The following UNC5D variants were observed in gnomAD, a reference collection of about 807,000 sequenced individuals.
UNC5D encodes the protein unc-5 netrin receptor D, also known as netrin receptor UNC5D.
A neutral mutation model predicts 105.4 loss-of-function variants in UNC5D; 39 were observed. The ratio of observed to expected loss-of-function variants is 0.37; its 90% CI spans 0.29 to 0.48. The LOEUF is 0.48. Among genes scored for constraint, UNC5D ranks in the 20% least tolerant of loss-of-function variants. UNC5D has a pLI of 0.98. For missense variants in UNC5D, 991 were observed against 1,202.4 expected, an observed-to-expected ratio of 0.82 and a Z score of 2.60; for synonymous variants, 452 against 450.4, an observed-to-expected ratio of 1.00 and a Z score of -0.04.
intron 4 of UNC5D, among the ~76,000 whole-genome samples, chr8:35,642,776 T>C (rs1822823382): frequency 6.6e-6 from 1 of 152,170 alleles, no homozygotes; most frequent in Non-Finnish European, 1.5e-5. Context: ...GATTTAATTT[T>C]GATGAGACTT....
intron 1 of UNC5D, among the ~76,000 whole-genome samples, chr8:35,537,139 T>G (rs1328045072): frequency 1.3e-5 from 2 of 152,166 alleles, no homozygotes; most frequent in Middle Eastern, 3.2e-3. Context: ...TAAAACTGTG[T>G]AAAACATAAA....
intron 3 of UNC5D, among the ~76,000 whole-genome samples, chr8:35,576,665 T>A (rs1818108660): frequency 6.6e-6 from 1 of 152,146 alleles, no homozygotes; most frequent in Admixed American, 6.5e-5. Flanking sequence ...CAGGCTGGAG[T>A]GCAGTGGCAC....
chr8:35,312,180 A>T (rs1808942705), intron 1 of UNC5D, among the ~76,000 whole-genome samples: 1 of 152,118 alleles, frequency 6.6e-6, no homozygotes, highest in South Asian at 2.1e-4. Flanking sequence ...CCTTGTCATC[A>T]CCCGGCTTCT....
intron 1 of UNC5D, among the ~76,000 whole-genome samples, chr8:35,540,599 A>T (rs762508160): frequency 2.0e-5 from 3 of 152,122 alleles, no homozygotes; most frequent in Non-Finnish European, 4.4e-5. Context: ...ACTAAATTTG[A>T]CATCTTACTT....
intron 4 of UNC5D, among the ~76,000 whole-genome samples, chr8:35,657,529 G>C (rs1823851122): frequency 6.6e-6 from 1 of 151,908 alleles, no homozygotes; most frequent in Admixed American, 6.6e-5. Context: ...CTGTCTCTCA[G>C]GCTGGAGTGC....
chr8:35,300,007 G>C (rs1807808249), intron 1 of UNC5D, among the ~76,000 whole-genome samples: 1 of 152,116 alleles, frequency 6.6e-6, no homozygotes, highest in South Asian at 2.1e-4. Flanking sequence ...ATTTGTACAA[G>C]AGAAATACTG....
chr8:35,664,098 T>C (rs1306030263), intron 4 of UNC5D, among the ~76,000 whole-genome samples: 2 of 152,184 alleles, frequency 1.3e-5, no homozygotes, highest in Non-Finnish European at 2.9e-5. Flanking sequence ...TGTACTCCAC[T>C]TACTGAACAC....
chr8:35,609,926 C>G (rs1446786114), intron 4 of UNC5D, among the ~76,000 whole-genome samples: 1 of 152,108 alleles, frequency 6.6e-6, no homozygotes, highest in African/African-American at 2.4e-5. Flanking sequence ...GGGGGCATGT[C>G]CAAATTCTGT....
At chr8:35,378,115 C>T (rs1028011162) in intron 1 of UNC5D, among the ~76,000 whole-genome samples, 20 of 152,264 alleles carry the variant, frequency 1.3e-4, no homozygotes, top group Admixed American at 6.5e-4. Flanking sequence ...TTTTAAAAAA[C>T]TCCTCTAAGA....
At chr8:35,714,961 G>T (rs1563697200) in intron 8 of UNC5D, among the ~76,000 whole-genome samples, 1 of 152,218 alleles carries the variant, frequency 6.6e-6, no homozygotes, top group Non-Finnish European at 1.5e-5. Flanking sequence ...AGACCAGCCT[G>T]ACCAACATGG....
At chr8:35,309,349 C>T (rs1286203970) in intron 1 of UNC5D, among the ~76,000 whole-genome samples, 1 of 152,130 alleles carries the variant, frequency 6.6e-6, no homozygotes, top group Non-Finnish European at 1.5e-5. Flanking sequence ...AGAGTTAAGC[C>T]CCGCATTAGT....
At chr8:35,549,880 T>G (rs769854370) in intron 2 of UNC5D, among the ~76,000 whole-genome samples, 2 of 152,070 alleles carry the variant, frequency 1.3e-5, no homozygotes, top group African/African-American at 2.4e-5. Flanking sequence ...AGCAGCATGA[T>G]TTGAGTTTCT....
chr8:35,396,502 T>C (rs915373737), intron 1 of UNC5D, among the ~76,000 whole-genome samples: 1 of 151,870 alleles, frequency 6.6e-6, no homozygotes, highest in Non-Finnish European at 1.5e-5. Flanking sequence ...TTTTCTTTTT[T>C]TTTTTTTCCC....
intron 1 of UNC5D, chr8:35,544,254 G>T (rs1815481077): frequency 3.1e-6 from 3 of 965,476 alleles, no homozygotes; most frequent in Middle Eastern, 3.4e-4. Flanking sequence ...GCCTACCAAG[G>T]CTCTTTCCTG....
At chr8:35,344,421 A>G (rs1291897701) in intron 1 of UNC5D, among the ~76,000 whole-genome samples, 2 of 152,138 alleles carry the variant, frequency 1.3e-5, no homozygotes, top group South Asian at 2.1e-4. Flanking sequence ...GCATTGGCTC[A>G]GGTGATCCTA....
At chr8:35,547,714 A>G (rs1387040880) in intron 1 of UNC5D, among the ~76,000 whole-genome samples, 1 of 152,222 alleles carries the variant, frequency 6.6e-6, no homozygotes, top group African/African-American at 2.4e-5. Context: ...CATCAATGAC[A>G]TGCAGAAAGC....
intron 16 of UNC5D, among the ~76,000 whole-genome samples, chr8:35,789,895 A>AACAC (rs56702865): frequency 0.099 from 14,135 of 142,686 alleles, 661 homozygotes; most frequent in Middle Eastern, 0.24. Context: ...TCAAGAAGAA[A>AACAC]ACACACACAC....
chr8:35,620,916 G>GT (rs1821323351), intron 4 of UNC5D, among the ~76,000 whole-genome samples: 1 of 152,130 alleles, frequency 6.6e-6, no homozygotes, highest in Non-Finnish European at 1.5e-5. Flanking sequence ...TTGGAGAAGC[G>GT]TAAGATAGAG....
At chr8:35,636,582 C>A (rs1294069829) in intron 4 of UNC5D, among the ~76,000 whole-genome samples, 5 of 152,170 alleles carry the variant, frequency 3.3e-5, no homozygotes, top group African/African-American at 1.2e-4. Flanking sequence ...TAAGAACTTG[C>A]CAGTATACAG....
Sources: gnomAD v4.1 joint callset for allele counts (sites outside exome capture counted in the v4.1 genomes callset) on GRCh38, gnomAD v4.1.1 for gene constraint, MANE v1.5 for transcripts, NCBI Gene and HGNC (gene_info 2026-07-23, HGNC 2026-07-21) for gene names.